Variants in NAA16 observed in about 807,000 individuals in gnomAD.
The protein encoded by NAA16 is NARG1-like protein.
NAA16 carries 97 observed loss-of-function variants against 110.3 expected under a neutral mutation model. The observed-to-expected ratio is 0.88, with a 90% CI of 0.75 to 1.04. NAA16 has a LOEUF of 1.04. Ranked by LOEUF, NAA16 falls within the 50% of genes least tolerant of loss-of-function variation. NAA16 has a pLI of 0.00. For synonymous variants in NAA16, 372 were observed against 330.6 expected (o/e 1.13, Z -1.36); for missense variants, 1,017 against 1,005.1 (o/e 1.01, Z -0.16).
intron 2 of NAA16, 107 bp downstream of exon 2, chr13:41,317,037 T>TTA (rs1442499893): frequency 1.4e-6 from 1 of 737,786 alleles, no homozygotes; most frequent in Non-Finnish European, 2.4e-6. Context: ...CAGTTCTCTA[T>TTA]TAGAGTGCAT....
At chr13:41,319,000 C>G in intron 3 of NAA16, 90 bp downstream of exon 3, 1 of 598,684 alleles carries the variant, frequency 1.7e-6, no homozygotes, top group African/African-American at 1.9e-5. Flanking sequence ...TCCAAACCTA[C>G]GTAGAAGAGA....
chr13:41,370,520 C>G (rs180835074), intron 15 of NAA16, among the ~76,000 whole-genome samples: 1 of 152,262 alleles, frequency 6.6e-6, no homozygotes, highest in Non-Finnish European at 1.5e-5. Flanking sequence ...AACCCCTGAG[C>G]CTTGAAGGGA....
chr13:41,358,604 C>T, intron 11 of NAA16, 131 bp downstream of exon 11: 2 of 1,461,420 alleles, frequency 1.4e-6, no homozygotes, highest in Non-Finnish European at 1.8e-6. Context: ...TGTGTAGTTT[C>T]ATGTTATATT....
intron 7 of NAA16, among the ~76,000 whole-genome samples, chr13:41,329,514 T>G (rs1184509899): frequency 6.6e-6 from 1 of 151,688 alleles, no homozygotes; most frequent in South Asian, 2.1e-4. Flanking sequence ...GAATTTTTTT[T>G]TTTTTTTTTT....
In NAA16 at chr13:41,374,955, C is replaced by G. The variant is rs188757734; in HGVS notation, c.2397+116C>G. The stretch of plus-strand genomic sequence containing the variant: ...TTATGCCTGGATGTTAATCCCAGCT[C>G]TATCAATTATGAGATGCGTAACTTT... On this transcript the variant is annotated intron_variant, in intron 19 of 19. Coordinates refer to ENST00000379406, the MANE Select transcript of NAA16 (RefSeq NM_024561.5). The G allele has an allele frequency of 4.6e-3, 2,986 of 653,608 alleles. 29 individuals are homozygous for G. Among genetic ancestry groups the G allele is most frequent in the Middle Eastern group, 0.023 (53 of 2,300 alleles). 40.5% of individuals were successfully genotyped at this position (653,608 alleles called of 1,614,324 possible). A position where few individuals can be genotyped will look rare whatever the true frequency, so the allele number is the denominator to read the frequency against.
chr13:41,315,953 A>G (rs987891733), intron 1 of NAA16, among the ~76,000 whole-genome samples: 5 of 152,028 alleles, frequency 3.3e-5, no homozygotes, highest in African/African-American at 1.2e-4. Context: ...ATTTTTTTGT[A>G]GAGATGAGAT....
At chr13:41,331,854 C>G (rs938826655) in intron 8 of NAA16, among the ~76,000 whole-genome samples, 2 of 152,040 alleles carry the variant, frequency 1.3e-5, no homozygotes, top group Non-Finnish European at 2.9e-5. Context: ...CCTAAATACC[C>G]TGACTTGATC....
intron 12 of NAA16, among the ~76,000 whole-genome samples, chr13:41,361,647 G>A (rs183207833): frequency 1.8e-4 from 27 of 152,348 alleles, no homozygotes; most frequent in Non-Finnish European, 3.4e-4. Context: ...TGGCTCCTAA[G>A]TGACAGTTAG....
At chr13:41,318,375 T>A (rs2041861004) in intron 2 of NAA16, among the ~76,000 whole-genome samples, 1 of 152,142 alleles carries the variant, frequency 6.6e-6, no homozygotes, top group African/African-American at 2.4e-5. Flanking sequence ...CTAGCTAATT[T>A]TTGTTTAGTA....
chr13:41,317,926 C>T (rs961983732), intron 2 of NAA16, among the ~76,000 whole-genome samples: 23 of 152,172 alleles, frequency 1.5e-4, no homozygotes, highest in Admixed American at 1.4e-3. Context: ...TTTGTTGCCA[C>T]TACCATCATC....
intron 17 of NAA16, 23 bp from the exon 18 acceptor site, chr13:41,373,614 T>C (rs756709501): frequency 1.9e-6 from 3 of 1,547,758 alleles, no homozygotes; most frequent in Admixed American, 4.4e-5. Flanking sequence ...AAACAAAAAA[T>C]CCAAATGTTT....
chr13:41,328,945 A>G, intron 7 of NAA16, 102 bp downstream of exon 7: 1 of 1,020,494 alleles, frequency 9.8e-7, no homozygotes, highest in South Asian at 1.4e-5. Context: ...TAGCATTAGT[A>G]CTCATTTTTC....
At position 41,328,971 on chromosome 13, in the gene NAA16, T is replaced by G. The variant is rs1173646715; in HGVS notation, c.811+128T>G. The G allele has an allele frequency of 3.9e-6, 3 of 767,674 alleles. No homozygotes were observed. In the Admixed American group the frequency reaches 8.6e-5, roughly 22 times the overall value. The allele number at this position is 767,674 out of a possible 1,614,324, so 47.6% of individuals were successfully genotyped here. On this transcript the variant is annotated intron_variant, in intron 7 of 19. Coordinates refer to ENST00000379406, the MANE Select transcript of NAA16 (RefSeq NM_024561.5). ...CTCATTTTTCCATTTAGTAAAATTA[T>G]AGGTTAAACATGGGAGTAAAAATGA...
intron 12 of NAA16, among the ~76,000 whole-genome samples, chr13:41,359,323 CT>C (rs1183630774): frequency 6.6e-6 from 1 of 152,162 alleles, no homozygotes; most frequent in Non-Finnish European, 1.5e-5. Flanking sequence ...TTACTTTTAA[CT>C]TGCTCATAGA....
intron 9 of NAA16, among the ~76,000 whole-genome samples, chr13:41,340,443 T>TC (rs2042506147): frequency 6.6e-6 from 1 of 152,116 alleles, no homozygotes; most frequent in Non-Finnish European, 1.5e-5. Context: ...TTTAGATCTT[T>TC]CCTGCTTTTC....
chr13:41,328,440 C>T (rs1566253580), intron 6 of NAA16, among the ~76,000 whole-genome samples: 2 of 152,024 alleles, frequency 1.3e-5, no homozygotes, highest in Admixed American at 6.6e-5. Flanking sequence ...TTACTTATTT[C>T]AAAGAGTATA....
chr13:41,362,783 G>A (rs1452746756), intron 13 of NAA16: 1 of 1,289,668 alleles, frequency 7.8e-7, no homozygotes, highest in East Asian at 5.5e-5. Flanking sequence ...ATGCACCCCT[G>A]AGGCAGTCCT....
intron 9 of NAA16, among the ~76,000 whole-genome samples, chr13:41,345,735 A>G (rs1446391379): frequency 1.3e-5 from 2 of 152,054 alleles, no homozygotes; most frequent in African/African-American, 2.4e-5. Context: ...GGCATGCGCT[A>G]CCGTGCCTGG....
In NAA16 at chr13:41,373,728, T is replaced by C. The variant is rs141335415; in HGVS notation, c.2247T>C (p.Phe749=). ...TTGTCAAAAAGGATTTGGAAAGTTT[T>C]AATGAGGATTTTCTGAAACGTAACG... The part of the protein sequence containing the change: ...KIFVKKDLES[F]NEDFLKRNAT... The change falls in exon 18 of 20, where the codon TTT becomes TTC. Residue 749 remains phenylalanine, a synonymous_variant. Coordinates refer to ENST00000379406, the MANE Select transcript of NAA16 (RefSeq NM_024561.5). 133 of 1,611,760 alleles carry C rather than the reference T, an allele frequency of 8.3e-5. No homozygotes were observed. The Middle Eastern group carries it at 1.7e-3, about 20-fold the overall frequency.
Sources: gnomAD v4.1 joint callset for allele counts (sites outside exome capture counted in the v4.1 genomes callset) on GRCh38, gnomAD v4.1.1 for gene constraint, MANE v1.5 for transcripts, NCBI Gene and HGNC (gene_info 2026-07-23, HGNC 2026-07-21) for gene names.